SOX6: variants seen among roughly 807,000 people sequenced by gnomAD.
SOX6 encodes transcription factor SOX-6.
A neutral mutation model predicts 97.8 loss-of-function variants in SOX6; 11 were observed. The ratio of observed to expected loss-of-function variants is 0.11; its 90% CI spans 0.07 to 0.19. The LOEUF is 0.19. Ranked by LOEUF, SOX6 falls within the 10% of genes least tolerant of loss-of-function variation. The pLI is 1.00. For synonymous variants in SOX6, 360 were observed against 371.4 expected (o/e 0.97, Z 0.35); for missense variants, 810 against 1,039.5 (o/e 0.78, Z 3.04).
chr11:15,997,011 G>A (rs529724239), intron 13 of SOX6, among the ~76,000 whole-genome samples: 33 of 152,186 alleles, frequency 2.2e-4, no homozygotes, highest in African/African-American at 7.0e-4. Flanking sequence ...GACAAAGAGA[G>A]AAGACAAAAA....
At chr11:16,733,335 C>T (rs1220987105) in intron 2 of SOX6, among the ~76,000 whole-genome samples, 3 of 152,104 alleles carry the variant, frequency 2.0e-5, no homozygotes, top group Non-Finnish European at 4.4e-5. Context: ...CCCAAATACC[C>T]ATCAATGATA....
At chr11:16,445,873 G>A (rs146267543) in intron 1 of SOX6, among the ~76,000 whole-genome samples, 1,846 of 152,116 alleles carry the variant, frequency 0.012, 45 homozygotes, top group African/African-American at 0.042. Context: ...CCAAATTTTA[G>A]TTTGGAATCT....
intron 1 of SOX6, among the ~76,000 whole-genome samples, chr11:16,404,731 A>C (rs1858649396): frequency 6.6e-6 from 1 of 151,948 alleles, no homozygotes; most frequent in African/African-American, 2.4e-5. Context: ...CTTGCTGTGG[A>C]ATGTTTAATG....
intron 4 of SOX6, among the ~76,000 whole-genome samples, chr11:16,503,746 A>G (rs1860742919): frequency 6.6e-6 from 1 of 152,198 alleles, no homozygotes; most frequent in Non-Finnish European, 1.5e-5. Flanking sequence ...AGAGGATGTA[A>G]GAATTCTAAA....
At chr11:16,621,569 A>G (rs1848545659) in intron 3 of SOX6, among the ~76,000 whole-genome samples, 1 of 152,198 alleles carries the variant, frequency 6.6e-6, no homozygotes, top group Non-Finnish European at 1.5e-5. Context: ...TCGTCTTAAA[A>G]GTATAGTTTT....
At chr11:16,011,014 C>G (rs1221760176) in intron 13 of SOX6, among the ~76,000 whole-genome samples, 1 of 151,972 alleles carries the variant, frequency 6.6e-6, no homozygotes, top group Non-Finnish European at 1.5e-5. Context: ...CCCAGAGGTT[C>G]TTGTTTTTAG....
At chr11:16,655,638 G>C (rs991712091) in intron 3 of SOX6, among the ~76,000 whole-genome samples, 2 of 152,004 alleles carry the variant, frequency 1.3e-5, no homozygotes, top group African/African-American at 4.8e-5. Flanking sequence ...TTAGAATATT[G>C]CTTTTTCAAA....
At chr11:16,093,912 A>G (rs1434921948) in intron 9 of SOX6, among the ~76,000 whole-genome samples, 1 of 151,908 alleles carries the variant, frequency 6.6e-6, no homozygotes, top group East Asian at 1.9e-4. Context: ...GTCCCAATAA[A>G]CATGCTATAC....
rs1416033839 is a variant in SOX6, at chr11:15,968,486, C to T, written c.*4323G>A. The T allele has an allele frequency of 6.6e-6, 1 of 152,164 alleles. No homozygotes were observed. Among genetic ancestry groups the T allele is most frequent in the Non-Finnish European group, 1.5e-5 (1 of 68,018 alleles). The allele number at this position is 152,164 out of a possible 1,614,324, so 9.4% of individuals were successfully genotyped here. On this transcript the variant is annotated 3_prime_UTR_variant, in exon 16 of 16. Transcript: ENST00000683767. The stretch of plus-strand genomic sequence containing the variant: ...AAAATGAGTAAATTGAGAGAAGCAG[C>T]CTCAGCTGTGCTGTTCAAGTGACCA...
At chr11:16,112,026 C>A in intron 6 of SOX6, 103 bp from the exon 7 acceptor site, 1 of 1,382,764 alleles carries the variant, frequency 7.2e-7, no homozygotes, top group East Asian at 2.4e-5. Context: ...CACAGCCACC[C>A]ACCTCTAACC....
chr11:16,284,778 C>A (rs970992434), intron 3 of SOX6, among the ~76,000 whole-genome samples: 7 of 152,136 alleles, frequency 4.6e-5, no homozygotes, highest in African/African-American at 1.7e-4. Flanking sequence ...CCACCCGCTA[C>A]TATTTCCCTT....
At chr11:16,539,116 C>T (rs1343118400) in intron 4 of SOX6, among the ~76,000 whole-genome samples, 1 of 152,210 alleles carries the variant, frequency 6.6e-6, no homozygotes, top group Non-Finnish European at 1.5e-5. Flanking sequence ...GAAATCACAA[C>T]AAACTGTCTC....
chr11:16,711,264 C>T (rs1466957077), intron 3 of SOX6, among the ~76,000 whole-genome samples: 2 of 152,210 alleles, frequency 1.3e-5, no homozygotes, highest in Non-Finnish European at 2.9e-5. Context: ...AGTACAGGCT[C>T]ATACCTGTAA....
intron 12 of SOX6, among the ~76,000 whole-genome samples, chr11:16,031,744 A>G (rs867013651): frequency 6.6e-6 from 1 of 152,090 alleles, no homozygotes; most frequent in Non-Finnish European, 1.5e-5. Flanking sequence ...TAAGAGGAAC[A>G]AGGGGAACAG....
intron 4 of SOX6, among the ~76,000 whole-genome samples, chr11:16,222,890 TTTA>T (rs1382312029): frequency 2.6e-5 from 4 of 152,152 alleles, no homozygotes; most frequent in Non-Finnish European, 2.9e-5. Context: ...CCCTTTCACC[TTTA>T]TTATTCAGTC....
At chr11:16,113,764 C>T (rs957757584) in intron 6 of SOX6, among the ~76,000 whole-genome samples, 3 of 152,100 alleles carry the variant, frequency 2.0e-5, no homozygotes, top group African/African-American at 7.2e-5. Flanking sequence ...TTTATTATTT[C>T]TTTCATTTCA....
intron 4 of SOX6, among the ~76,000 whole-genome samples, chr11:16,530,629 A>G (rs142755466): frequency 2.8e-3 from 421 of 152,192 alleles, no homozygotes; most frequent in Non-Finnish European, 4.7e-3. Flanking sequence ...GATTAAAGTG[A>G]TAAGACTTAG....
chr11:16,342,704 C>A (rs1305956180), intron 1 of SOX6, among the ~76,000 whole-genome samples: 7 of 151,888 alleles, frequency 4.6e-5, no homozygotes, highest in Admixed American at 3.3e-4. Flanking sequence ...TAGGATTTAA[C>A]AGCTAATGCT....
intron 4 of SOX6, among the ~76,000 whole-genome samples, chr11:16,515,136 T>C (rs1465147332): frequency 1.3e-5 from 2 of 149,838 alleles, no homozygotes; most frequent in Non-Finnish European, 1.5e-5. Context: ...ACTTCCACAA[T>C]GGTTGAACTA....
Sources: allele counts gnomAD v4.1 joint callset (sites outside exome capture counted in the v4.1 genomes callset), GRCh38; gene constraint gnomAD v4.1.1; transcripts MANE v1.5; gene names NCBI Gene and HGNC (gene_info 2026-07-23, HGNC 2026-07-21).